Variants in PDE1C observed in about 807,000 individuals in gnomAD.
The protein encoded by PDE1C is dual specificity calcium/calmodulin-dependent 3',5'-cyclic nucleotide phosphodiesterase 1C.
A neutral mutation model predicts 93.1 loss-of-function variants in PDE1C; 62 were observed. The observed-to-expected ratio is 0.67, with a 90% CI of 0.54 to 0.82. The LOEUF (loss-of-function observed/expected upper bound fraction) is 0.82. PDE1C is among the 40% of genes least tolerant of loss of function. The pLI is 0.00. For missense variants in PDE1C, 742 were observed against 884.6 expected, an observed-to-expected ratio of 0.84 and a Z score of 2.04; for synonymous variants, 325 against 310.1, an observed-to-expected ratio of 1.05 and a Z score of -0.50.
intron 3 of PDE1C, among the ~76,000 whole-genome samples, chr7:32,132,788 G>A (rs1182950034): frequency 1.3e-5 from 2 of 152,168 alleles, no homozygotes; most frequent in African/African-American, 4.8e-5. Context: ...GTAATCAGAT[G>A]AAAATGGGGA....
chr7:32,285,797 AGAGAG>A (rs934002589), intron 1 of PDE1C, among the ~76,000 whole-genome samples: 9 of 136,190 alleles, frequency 6.6e-5, no homozygotes, highest in African/African-American at 1.3e-4. Flanking sequence ...GGGGAGGGGA[AGAGAG>A]GAGAGGAGAG....
the PDE1C span, among the ~76,000 whole-genome samples, chr7:31,728,382 G>C: frequency 2.0e-5 from 3 of 152,308 alleles, no homozygotes; most frequent in East Asian, 5.8e-4. Context: ...GTCCCAGGGA[G>C]ACATGAACCT....
At chr7:31,950,140 A>C (rs1807168514) in intron 2 of PDE1C, among the ~76,000 whole-genome samples, 1 of 152,190 alleles carries the variant, frequency 6.6e-6, no homozygotes. Context: ...ATAGTCCTCA[A>C]GCTATCCCTC....
chr7:31,733,273 T>C, the PDE1C span, among the ~76,000 whole-genome samples: 1 of 152,134 alleles, frequency 6.6e-6, no homozygotes, highest in African/African-American at 2.4e-5. Flanking sequence ...ATCTCTAATC[T>C]TTGATTATGG....
chr7:32,354,040 G>C (rs1783983944), intron 1 of PDE1C, among the ~76,000 whole-genome samples: 1 of 152,194 alleles, frequency 6.6e-6, no homozygotes, highest in Non-Finnish European at 1.5e-5. Flanking sequence ...CATTCCGTTT[G>C]CATTTGCCTG....
At chr7:32,199,248 A>G (rs1386567819) in intron 2 of PDE1C, among the ~76,000 whole-genome samples, 2 of 151,794 alleles carry the variant, frequency 1.3e-5, no homozygotes, top group Admixed American at 6.6e-5. Flanking sequence ...CAGTTTCATT[A>G]TAATGTATCT....
chr7:31,787,012 A>G (rs529717829), intron 16 of PDE1C: 1 of 152,232 alleles, frequency 6.6e-6, no homozygotes, highest in East Asian at 1.9e-4. Flanking sequence ...GTGACCCATG[A>G]GAGAAGTGAT....
At chr7:31,779,857 C>T (rs1012332949) in intron 16 of PDE1C, among the ~76,000 whole-genome samples, 2 of 152,166 alleles carry the variant, frequency 1.3e-5, no homozygotes, top group African/African-American at 4.8e-5. Context: ...ATCTGAGTTT[C>T]ATTTTCTAAA....
chr7:32,082,252 G>A lies in PDE1C; in HGVS notation c.308+87533C>T, dbSNP rs568214163. On this transcript the variant is annotated intron_variant, in intron 3 of 18. Transcript: ENST00000396193. ...GAGGGTCCTACGCCCACGGAGTCTC[G>A]CTGATTGCTAGCACAGCAGTCTGAG... Among the ~76,000 whole-genome samples, 460 of 127,874 alleles carry A rather than the reference G, an allele frequency of 3.6e-3. 1 individual carries two copies. The highest frequency in any genetic ancestry group is 0.012 in the African/African-American group (431 of 35,044). 83.9% of individuals were successfully genotyped at this position (127,874 alleles called of 152,430 possible). A position where few individuals can be genotyped will look rare whatever the true frequency, so the allele number is the denominator to read the frequency against.
intron 2 of PDE1C, among the ~76,000 whole-genome samples, chr7:32,022,829 T>A (rs1788868607): frequency 6.6e-6 from 1 of 152,104 alleles, no homozygotes; most frequent in African/African-American, 2.4e-5. Context: ...GAATTTTAAT[T>A]ATTTCACAGT....
the PDE1C span, among the ~76,000 whole-genome samples, chr7:31,654,681 A>G: frequency 1.3e-5 from 2 of 152,156 alleles, no homozygotes; most frequent in Non-Finnish European, 2.9e-5. Flanking sequence ...CAAAGGCCAG[A>G]GGCACTGGGT....
At chr7:31,855,282 A>G (rs1793873648) in intron 7 of PDE1C, among the ~76,000 whole-genome samples, 1 of 152,014 alleles carries the variant, frequency 6.6e-6, no homozygotes, top group Admixed American at 6.6e-5. Flanking sequence ...CCTTTTCCAC[A>G]GTTTCCCTCT....
chr7:31,978,180 T>C (rs903513090), intron 2 of PDE1C, among the ~76,000 whole-genome samples: 1 of 152,146 alleles, frequency 6.6e-6, no homozygotes. Flanking sequence ...CAACATAGAT[T>C]TCGGCAGACT....
At chr7:32,070,151 A>T in intron 1 of PDE1C, 142 bp downstream of exon 1, 1 of 1,402,562 alleles carries the variant, frequency 7.1e-7, no homozygotes, top group Non-Finnish European at 9.6e-7. Flanking sequence ...GACTGTAATT[A>T]ACAGAGCAGC....
the PDE1C span, among the ~76,000 whole-genome samples, chr7:31,635,800 G>A: frequency 2.7e-3 from 408 of 152,144 alleles, no homozygotes; most frequent in Middle Eastern, 0.014. Flanking sequence ...CAGAGGAGAG[G>A]AACAGGAAAA....
At chr7:32,086,691 A>T (rs1797102285) in intron 3 of PDE1C, among the ~76,000 whole-genome samples, 2 of 152,224 alleles carry the variant, frequency 1.3e-5, no homozygotes, top group Admixed American at 6.5e-5. Context: ...AGCACTAAGA[A>T]ATAACACCGC....
At chr7:31,651,327 A>T in the PDE1C span, 4 of 1,585,094 alleles carry the variant, frequency 2.5e-6, no homozygotes, top group Non-Finnish European at 3.4e-6. Flanking sequence ...GGAGCAAGGA[A>T]GATAATCAGG....
the PDE1C span, among the ~76,000 whole-genome samples, chr7:31,710,441 T>C: frequency 6.6e-6 from 1 of 152,174 alleles, no homozygotes; most frequent in East Asian, 1.9e-4. Flanking sequence ...TAATTATCAC[T>C]TGAAAAGGCA....
intron 16 of PDE1C, among the ~76,000 whole-genome samples, chr7:31,796,725 A>G (rs1785351472): frequency 1.3e-5 from 2 of 151,610 alleles, no homozygotes; most frequent in African/African-American, 4.8e-5. Flanking sequence ...ATTTTCCCCA[A>G]ATCTATAAAA....
Sources: gnomAD v4.1 joint callset for allele counts (sites outside exome capture counted in the v4.1 genomes callset) on GRCh38, gnomAD v4.1.1 for gene constraint, MANE v1.5 for transcripts, NCBI Gene and HGNC (gene_info 2026-07-23, HGNC 2026-07-21) for gene names.